MRNIP: variants seen among roughly 807,000 people sequenced by gnomAD.
MRNIP encodes the protein MRN complex interacting protein, also known as MRN complex-interacting protein.
A neutral mutation model predicts 29.8 loss-of-function variants in MRNIP; 30 were observed. The ratio of observed to expected loss-of-function variants is 1.01; its 90% CI spans 0.75 to 1.36. The LOEUF (loss-of-function observed/expected upper bound fraction) is 1.36. MRNIP is among the 40% of genes most tolerant of loss of function. The pLI is 0.00. For missense variants in MRNIP, 459 were observed against 423.5 expected (o/e 1.08, Z -0.74); for synonymous variants, 201 against 164.1 (o/e 1.23, Z -1.72).
At chr5:179,846,753 T>C (rs1246750222) in intron 3 of MRNIP, among the ~76,000 whole-genome samples, 1 of 152,210 alleles carries the variant, frequency 6.6e-6, no homozygotes, top group Non-Finnish European at 1.5e-5. Context: ...TTCCAAAATC[T>C]TAGAGATATT....
intron 1 of MRNIP, 61 bp downstream of exon 1, chr5:179,858,670 G>C: frequency 8.9e-7 from 1 of 1,122,796 alleles, no homozygotes; most frequent in Non-Finnish European, 1.3e-6. Context: ...CCACAGCCCC[G>C]CCACTCCCCG....
chr5:179,856,213 G>A (rs140935543), intron 1 of MRNIP, among the ~76,000 whole-genome samples: 1,787 of 151,954 alleles, frequency 0.012, 40 homozygotes, highest in African/African-American at 0.042. Flanking sequence ...GCCAAGAAAA[G>A]CCTTTTTAAA....
chr5:179,856,254 A>C (rs931668273), intron 1 of MRNIP, among the ~76,000 whole-genome samples: 1 of 152,108 alleles, frequency 6.6e-6, no homozygotes, highest in African/African-American at 2.4e-5. Context: ...TGGTAAAGGA[A>C]TTAATTGTGG....
At chr5:179,837,960 G>A in intron 6 of MRNIP, 75 bp from the exon 7 acceptor site, 8 of 1,439,698 alleles carry the variant, frequency 5.6e-6, no homozygotes, top group Non-Finnish European at 7.5e-6. Context: ...TGCCCTGCCT[G>A]GGCCTTGGCT....
At chr5:179,847,801 T>C in intron 3 of MRNIP, 177 bp downstream of exon 3, 1 of 568,596 alleles carries the variant, frequency 1.8e-6, no homozygotes, top group South Asian at 2.0e-5. Flanking sequence ...ATTCTAAACA[T>C]CCCCGGGGTC....
In MRNIP at chr5:179,840,747, C is replaced by A. The variant is rs1014144088; in HGVS notation, c.537+125G>T. The A allele has an allele frequency of 1.2e-5, 9 of 746,596 alleles. No individual in the cohort carries two copies. In the African/African-American group the frequency reaches 1.4e-4, roughly 12 times the overall value. The allele number at this position is 746,596 out of a possible 1,614,324, so 46.2% of individuals were successfully genotyped here. A position where few individuals can be genotyped will look rare whatever the true frequency, so the allele number is the denominator to read the frequency against. On this transcript the variant is annotated intron_variant, in intron 6 of 6. Transcript: ENST00000292586. Reference sequence around the variant, plus strand: ...GCTTCAGACAGAAAAGACAAGAAACCCGGGTGGGAAGATGGGCTTTCTGCG... The same window carrying A: ...GCTTCAGACAGAAAAGACAAGAAACACGGGTGGGAAGATGGGCTTTCTGCG...
chr5:179,844,881 A>G (rs1759067045), intron 3 of MRNIP, among the ~76,000 whole-genome samples: 1 of 152,226 alleles, frequency 6.6e-6, no homozygotes, highest in Non-Finnish European at 1.5e-5. Context: ...TACATACACA[A>G]TCATGCTATT....
chr5:179,841,242 C>T, intron 5 of MRNIP: 1 of 432,540 alleles, frequency 2.3e-6, no homozygotes, highest in South Asian at 2.9e-5. Flanking sequence ...TCAGGTGATC[C>T]TCCTGCCTCA....
chr5:179,858,011 C>CAA (rs762726244), intron 1 of MRNIP, among the ~76,000 whole-genome samples: 33 of 77,286 alleles, frequency 4.3e-4, no homozygotes, highest in African/African-American at 7.0e-4. Flanking sequence ...AACTCCGTCT[C>CAA]AAAAAAAAAA....
At chr5:179,842,403 G>A (rs950823983) in intron 4 of MRNIP, among the ~76,000 whole-genome samples, 15 of 151,314 alleles carry the variant, frequency 9.9e-5, no homozygotes, top group Non-Finnish European at 1.6e-4. Context: ...AGAAGTAGCC[G>A]GGCGCGGTGG....
rs373841958 is a variant in MRNIP at position 179,844,246 on chromosome 5, A to C, written c.216-19T>G. 2.5e-6 allele frequency: 4 copies of C among 1,607,602 alleles called. No homozygotes were observed. Among genetic ancestry groups the C allele is most frequent in the Non-Finnish European group, 2.6e-6 (3 of 1,174,290 alleles). On this transcript the variant is annotated intron_variant, in intron 3 of 6. Transcript: ENST00000292586. ...TAGAGACCTTCAGGGAAGACCATAC[A>C]TATGCCCTTTGAAAAATGACCAGGG...
At chr5:179,858,437 GT>G in intron 1 of MRNIP, among the ~76,000 whole-genome samples, 1 of 152,194 alleles carries the variant, frequency 6.6e-6, no homozygotes, top group East Asian at 1.9e-4. Context: ...GCGCTACTTC[GT>G]GGGGTAGGCT....
intron 3 of MRNIP, chr5:179,846,028 T>G (rs918119226): frequency 1.3e-5 from 2 of 152,100 alleles, no homozygotes; most frequent in African/African-American, 4.8e-5. Flanking sequence ...GGTATATGAG[T>G]AGCTGCACTC....
intron 4 of MRNIP, among the ~76,000 whole-genome samples, chr5:179,842,641 AGTGAGCCGAGATG>A (rs1303140261): frequency 7.7e-6 from 1 of 130,662 alleles, no homozygotes; most frequent in Admixed American, 9.1e-5. Flanking sequence ...CGGGGCCTGC[AGTGAGCCGAGATG>A]GTGCCATTAC....
chr5:179,845,531 T>C (rs1392619635), intron 3 of MRNIP, among the ~76,000 whole-genome samples: 2 of 151,620 alleles, frequency 1.3e-5, no homozygotes, highest in Non-Finnish European at 2.9e-5. Context: ...CTCACTCTGG[T>C]GCAGGCCTCA....
At chr5:179,849,644 G>T (rs1278332510) in intron 2 of MRNIP, among the ~76,000 whole-genome samples, 1 of 149,576 alleles carries the variant, frequency 6.7e-6, no homozygotes, top group African/African-American at 2.5e-5. Flanking sequence ...CAGGCAGATG[G>T]TAAGAGATGG....
At chr5:179,850,735 G>A (rs1008674849) in intron 2 of MRNIP, among the ~76,000 whole-genome samples, 2 of 152,228 alleles carry the variant, frequency 1.3e-5, no homozygotes, top group African/African-American at 4.8e-5. Flanking sequence ...GGCAGGGACT[G>A]CTGGATGGAT....
At chr5:179,841,762 C>T in intron 5 of MRNIP, 145 bp downstream of exon 5, 1 of 830,982 alleles carries the variant, frequency 1.2e-6, no homozygotes. Context: ...CCAGCAGTGG[C>T]AGCAGCTGCC....
chr5:179,849,307 T>C (rs1759257763), intron 2 of MRNIP, among the ~76,000 whole-genome samples: 1 of 151,348 alleles, frequency 6.6e-6, no homozygotes. Flanking sequence ...CGAGATGGAA[T>C]TTGAGACCAT....
Sources: allele counts gnomAD v4.1 joint callset (sites outside exome capture counted in the v4.1 genomes callset), GRCh38; gene constraint gnomAD v4.1.1; transcripts MANE v1.5; gene names NCBI Gene and HGNC (gene_info 2026-07-23, HGNC 2026-07-21).